Variants in ADAMTS9 observed in about 807,000 individuals in gnomAD.
ADAMTS9 encodes the protein A disintegrin and metalloproteinase with thrombospondin motifs 9.
In ADAMTS9, 107 loss-of-function variants were observed where a neutral mutation model predicts 257.1. The observed-to-expected ratio is 0.42, with a 90% confidence interval of 0.36 to 0.49. The LOEUF (loss-of-function observed/expected upper bound fraction) is 0.49. Among genes scored for constraint, ADAMTS9 ranks in the 20% least tolerant of loss-of-function variants. The pLI is 0.03. For missense variants in ADAMTS9, 2,353 were observed against 2,469.1 expected, an observed-to-expected ratio of 0.95 and a Z score of 1.00; for synonymous variants, 982 against 880.9, an observed-to-expected ratio of 1.11 and a Z score of -2.03.
rs773459016 is a variant in ADAMTS9, at chr3:64,631,523, G to A, written c.2321C>T (p.Ala774Val). ...YGYNTVVRIP[A>V]GATNIDVRQH... Reference sequence around the variant, plus strand: ...CCGCACATCAATATTGGTAGCACCAGCTGGAATTCGGACCACAGTATTGTA... The same window carrying A: ...CCGCACATCAATATTGGTAGCACCAACTGGAATTCGGACCACAGTATTGTA... Residue 774 changes from alanine (A) to valine (V), a missense_variant, in exon 16 of 40, where the codon GCT becomes GTT. This residue lies in a region of ADAMTS9 where 360 missense variants were observed against 458.1 expected (regional missense o/e 0.79). Coordinates refer to ENST00000498707, the MANE Select transcript of ADAMTS9 (RefSeq NM_182920.2). 6.2e-7 allele frequency: 1 copy of A among 1,614,008 alleles called. No individual in the cohort carries two copies. The highest frequency in any genetic ancestry group is 1.3e-5 in the African/African-American group (1 of 74,930).
Position 64,633,469 on chromosome 3 carries a change from T to C in ADAMTS9, c.2175+3A>G, listed in dbSNP as rs1700418766. On this transcript the variant is annotated splice_donor_region_variant and intron_variant, in intron 14 of 39. Transcript: ENST00000498707. ...AGTGAAGAAAACACCATCAAGGACTTACCCGGCAAAGGCCCTGGACACAGA... is the reference window on the plus strand; with the variant it reads ...AGTGAAGAAAACACCATCAAGGACTCACCCGGCAAAGGCCCTGGACACAGA... The C allele has an allele frequency of 6.8e-6, 11 of 1,613,926 alleles. No individual in the cohort carries two copies. The highest frequency in any genetic ancestry group is 9.3e-6 in the Non-Finnish European group (11 of 1,179,932).
At position 64,596,955 on chromosome 3, in the gene ADAMTS9, C is replaced by T. The variant is rs2084378911; in HGVS notation, c.4054G>A (p.Val1352Ile). 6.2e-7 allele frequency: 1 copy of T among 1,613,244 alleles called. No individual in the cohort carries two copies. Among genetic ancestry groups the T allele is most frequent in the African/African-American group, 1.3e-5 (1 of 74,838 alleles). Residue 1352 changes from valine to isoleucine, a missense_variant, in exon 27 of 40, where the codon GTT becomes ATT. Transcript: ENST00000498707. Reference sequence around the variant, plus strand: ...CCATTTTCATCCTGACATACAACAACACGCCGCTGGGATCCGCCAGCACAG... The same window carrying T: ...CCATTTTCATCCTGACATACAACAATACGCCGCTGGGATCCGCCAGCACAG... ...STCAGGSQRR[V>I]VVCQDENGYT...
intron 32 of ADAMTS9, 69 bp downstream of exon 32, chr3:64,546,689 G>T (rs568443684): frequency 1.1e-4 from 169 of 1,474,442 alleles, no homozygotes; most frequent in Non-Finnish European, 1.5e-4. Flanking sequence ...AGCGGGTTAG[G>T]CAGGACATGT....
intron 38 of ADAMTS9, among the ~76,000 whole-genome samples, chr3:64,529,750 T>G (rs1032454183): frequency 6.6e-6 from 1 of 152,204 alleles, no homozygotes; most frequent in African/African-American, 2.4e-5. Flanking sequence ...ATCAGGGGCA[T>G]CAGCATCACC....
intron 16 of ADAMTS9, 144 bp from the exon 17 acceptor site, chr3:64,622,730 A>G (rs1700139281): frequency 2.5e-6 from 2 of 791,844 alleles, no homozygotes; most frequent in East Asian, 2.7e-5. Context: ...TCAAGTCCCA[A>G]GTTTGCTACT....
At chr3:64,517,416 G>GTTTTTTTTTTTTTTCTTT (rs2082789886) in intron 39 of ADAMTS9, among the ~76,000 whole-genome samples, 1 of 52,638 alleles carries the variant, frequency 1.9e-5, no homozygotes, top group Non-Finnish European at 3.8e-5. Flanking sequence ...ATTAAAAATG[G>GTTTTTTTTTTTTTTCTTT]TTTTTTTTTT....
At chr3:64,679,228 T>C (rs1701695536) in intron 3 of ADAMTS9, among the ~76,000 whole-genome samples, 1 of 152,202 alleles carries the variant, frequency 6.6e-6, no homozygotes, top group Non-Finnish European at 1.5e-5. Context: ...TATTTTAAAA[T>C]GAACCTTGAA....
chr3:64,615,813 T>C, intron 20 of ADAMTS9, 147 bp downstream of exon 20: 1 of 964,152 alleles, frequency 1.0e-6, no homozygotes, highest in Non-Finnish European at 1.6e-6. Context: ...TACTCTATTC[T>C]GGAAAGCTTG....
intron 16 of ADAMTS9, among the ~76,000 whole-genome samples, chr3:64,626,669 A>T (rs764018271): frequency 3.9e-5 from 6 of 152,218 alleles, no homozygotes; most frequent in Non-Finnish European, 5.9e-5. Flanking sequence ...AGAAACCTGT[A>T]GTCCTACCCC....
chr3:64,670,513 G>A (rs911613061), intron 3 of ADAMTS9, among the ~76,000 whole-genome samples: 4 of 152,280 alleles, frequency 2.6e-5, no homozygotes, highest in East Asian at 3.9e-4. Flanking sequence ...GGTGCATGAA[G>A]TATTGGCGAT....
chr3:64,628,629 C>G (rs1700288674), intron 16 of ADAMTS9, among the ~76,000 whole-genome samples: 1 of 152,074 alleles, frequency 6.6e-6, no homozygotes, highest in Non-Finnish European at 1.5e-5. Context: ...TGTTAATTGT[C>G]TTATAAAGTT....
intron 11 of ADAMTS9, among the ~76,000 whole-genome samples, chr3:64,642,735 T>C (rs902267373): frequency 6.6e-6 from 1 of 151,960 alleles, no homozygotes; most frequent in African/African-American, 2.4e-5. Flanking sequence ...CACTGAGCAG[T>C]GGACAAAGGA....
At chr3:64,680,397 C>T (rs550981911) in intron 3 of ADAMTS9, among the ~76,000 whole-genome samples, 81 of 152,134 alleles carry the variant, frequency 5.3e-4, no homozygotes, top group Middle Eastern at 3.4e-3. Context: ...CATCCTAAGA[C>T]GCAGGACCAA....
chr3:64,649,887 A>G lies in ADAMTS9; in HGVS notation c.1464-109T>C, dbSNP rs917696091. The G allele has an allele frequency of 3.3e-5, 43 of 1,287,562 alleles. No homozygotes were observed. The African/African-American group carries it at 5.8e-4, about 17-fold the overall frequency. 79.8% of individuals were successfully genotyped at this position (1,287,562 alleles called of 1,614,324 possible). On this transcript the variant is annotated intron_variant, in intron 9 of 39. Coordinates refer to ENST00000498707, the MANE Select transcript of ADAMTS9 (RefSeq NM_182920.2). Reference sequence around the variant, plus strand: ...CATTGTAATGGTAGAGAGGACAGTTACTTTTTAACATGTGCTTTATTCTTT... The same window carrying G: ...CATTGTAATGGTAGAGAGGACAGTTGCTTTTTAACATGTGCTTTATTCTTT...
chr3:64,555,580 C>T (rs569275945), intron 30 of ADAMTS9, among the ~76,000 whole-genome samples: 1 of 127,866 alleles, frequency 7.8e-6, no homozygotes, highest in East Asian at 3.0e-4. Flanking sequence ...GCTACCTGTG[C>T]AGTTGTGTAA....
chr3:64,530,177 T>C (rs1411721152), intron 38 of ADAMTS9, among the ~76,000 whole-genome samples: 1 of 152,004 alleles, frequency 6.6e-6, no homozygotes, highest in Non-Finnish European at 1.5e-5. Context: ...CTCCTGAGTT[T>C]GAGAACCACT....
In ADAMTS9 at chr3:64,654,430, A is replaced by T. The variant is rs1300875128; in HGVS notation, c.1239T>A (p.Asp413Glu). The T allele has an allele frequency of 1.2e-6, 2 of 1,614,050 alleles. No homozygotes were observed. The highest frequency in any genetic ancestry group is 2.7e-5 in the African/African-American group (2 of 74,920). ...CACTAATAGAACAGCTTCTATAGGG[A>T]TCACAAATGGTTCCCAGTTCAGCCA... ...LGLAELGTIC[D>E]PYRSCSISED... Residue 413 changes from aspartate to glutamate, a missense_variant, in exon 8 of 40, where the codon GAT becomes GAA. Asp to Glu is a conservative substitution (Grantham distance 45). Transcript: ENST00000498707.
At chr3:64,567,261 G>A (rs917300263) in intron 29 of ADAMTS9, among the ~76,000 whole-genome samples, 1 of 152,124 alleles carries the variant, frequency 6.6e-6, no homozygotes, top group Admixed American at 6.5e-5. Context: ...TAAGAATCAA[G>A]ATTCTAGGCT....
At chr3:64,615,175 G>C in intron 21 of ADAMTS9, 146 bp downstream of exon 21, 1 of 939,320 alleles carries the variant, frequency 1.1e-6, no homozygotes. Context: ...TGCAGGCAGA[G>C]AACTGGAGTT....
Sources: allele counts gnomAD v4.1 joint callset (sites outside exome capture counted in the v4.1 genomes callset), GRCh38; gene constraint gnomAD v4.1.1; regional missense constraint gnomAD v4.1.1; transcripts MANE v1.5; gene names NCBI Gene and HGNC (gene_info 2026-07-23, HGNC 2026-07-21).